Variants in HPSE2 observed in about 807,000 individuals in gnomAD.
HPSE2 encodes inactive heparanase-2.
HPSE2 carries 38 observed loss-of-function variants against 60.5 expected under a neutral mutation model. The ratio of observed to expected loss-of-function variants is 0.63; its 90% CI spans 0.48 to 0.82. HPSE2 has a LOEUF of 0.82. Ranked by LOEUF, HPSE2 falls within the 40% of genes least tolerant of loss-of-function variation. HPSE2 has a pLI of 0.00. For missense variants in HPSE2, 713 were observed against 740.4 expected (o/e 0.96, Z 0.43); for synonymous variants, 295 against 293.2 (o/e 1.01, Z -0.06).
chr10:98,623,963 T>C (rs1173795535), intron 7 of HPSE2, among the ~76,000 whole-genome samples: 3 of 152,044 alleles, frequency 2.0e-5, no homozygotes, highest in Non-Finnish European at 4.4e-5. Context: ...CTAGGGAGAA[T>C]ATATAAACAT....
At chr10:98,617,908 A>C (rs1025310450) in intron 8 of HPSE2, among the ~76,000 whole-genome samples, 1 of 152,232 alleles carries the variant, frequency 6.6e-6, no homozygotes, top group African/African-American at 2.4e-5. Context: ...CAATTTATGC[A>C]TACGTGCATG....
At chr10:99,299,618 T>C in the HPSE2 span, among the ~76,000 whole-genome samples, 5 of 152,098 alleles carry the variant, frequency 3.3e-5, no homozygotes, top group Admixed American at 6.5e-5. Flanking sequence ...ATGCCATGTA[T>C]CGTGTGGGAA....
chr10:98,806,794 AT>A (rs1010112702), intron 3 of HPSE2, among the ~76,000 whole-genome samples: 3 of 152,234 alleles, frequency 2.0e-5, no homozygotes, highest in South Asian at 4.1e-4. Context: ...GCCTTTAAAG[AT>A]TTTTTTTAAC....
chr10:98,592,328 C>G (rs985362483), intron 9 of HPSE2, among the ~76,000 whole-genome samples: 2 of 152,214 alleles, frequency 1.3e-5, no homozygotes, highest in Non-Finnish European at 2.9e-5. Flanking sequence ...GAATAACCAG[C>G]CTTCTGTCAC....
intron 3 of HPSE2, among the ~76,000 whole-genome samples, chr10:98,943,313 G>A (rs1955076828): frequency 6.7e-6 from 1 of 148,936 alleles, no homozygotes; most frequent in Admixed American, 6.7e-5. Flanking sequence ...AAAGGATGAG[G>A]GTAAAAATGG....
chr10:98,491,486 T>C (rs1001827122), intron 9 of HPSE2, among the ~76,000 whole-genome samples: 1 of 152,200 alleles, frequency 6.6e-6, no homozygotes, highest in Non-Finnish European at 1.5e-5. Flanking sequence ...TGCTCAAATT[T>C]GATTACAATT....
At chr10:98,810,062 T>C (rs1404319010) in intron 3 of HPSE2, among the ~76,000 whole-genome samples, 2 of 152,200 alleles carry the variant, frequency 1.3e-5, no homozygotes, top group African/African-American at 2.4e-5. Flanking sequence ...AAGATACTCC[T>C]ACCACTCCCC....
intron 3 of HPSE2, among the ~76,000 whole-genome samples, chr10:98,998,042 C>G (rs1236231847): frequency 2.0e-5 from 3 of 152,212 alleles, no homozygotes; most frequent in Non-Finnish European, 4.4e-5. Flanking sequence ...AGGAAAAATG[C>G]TCCCACTAGC....
intron 9 of HPSE2, among the ~76,000 whole-genome samples, chr10:98,601,121 C>A (rs1945413942): frequency 8.4e-6 from 1 of 118,978 alleles, no homozygotes; most frequent in Non-Finnish European, 2.0e-5. Flanking sequence ...AGTCTGCTGG[C>A]AGAATTTTTG....
chr10:98,486,199 C>A (rs959191302), intron 10 of HPSE2, among the ~76,000 whole-genome samples: 1 of 152,156 alleles, frequency 6.6e-6, no homozygotes, highest in African/African-American at 2.4e-5. Context: ...CTGGCGAGTG[C>A]AGCACCAACC....
chr10:98,950,131 C>T lies in HPSE2; in HGVS notation c.610+194107G>A, dbSNP rs1043830958. Among the ~76,000 whole-genome samples, 4 of 152,004 alleles carry T rather than the reference C, an allele frequency of 2.6e-5. No individual in the cohort carries two copies. The East Asian group carries it at 5.8e-4, about 22-fold the overall frequency. On this transcript the variant is annotated intron_variant, in intron 3 of 11. Transcript: ENST00000370552. Reference sequence around the variant, plus strand: ...AGCTTCTCCATAGAGCATGATACAGCGTGGTAGCTTGCTTCATCAGAACAA... The same window carrying T: ...AGCTTCTCCATAGAGCATGATACAGTGTGGTAGCTTGCTTCATCAGAACAA...
chr10:98,525,087 T>C (rs1014669384), intron 9 of HPSE2, among the ~76,000 whole-genome samples: 1 of 152,214 alleles, frequency 6.6e-6, no homozygotes, highest in Non-Finnish European at 1.5e-5. Context: ...CTTGGCTCAC[T>C]GCAACCTCCA....
At chr10:99,142,800 GC>G (rs1845908244) in intron 3 of HPSE2, among the ~76,000 whole-genome samples, 1 of 152,090 alleles carries the variant, frequency 6.6e-6, no homozygotes, top group South Asian at 2.1e-4. Flanking sequence ...ATACTCTGGA[GC>G]CTCGGTTTAG....
intron 9 of HPSE2, among the ~76,000 whole-genome samples, chr10:98,527,434 C>G (rs904455615): frequency 2.0e-5 from 3 of 152,176 alleles, no homozygotes; most frequent in Non-Finnish European, 4.4e-5. Flanking sequence ...TCTAGCTTTC[C>G]TCTCTGTTCT....
intron 3 of HPSE2, among the ~76,000 whole-genome samples, chr10:98,971,964 A>T (rs1265059301): frequency 2.0e-5 from 3 of 152,066 alleles, no homozygotes; most frequent in Non-Finnish European, 4.4e-5. Context: ...TTATGTCACA[A>T]TTTACATCTT....
At chr10:99,159,010 C>T (rs1028466718) in intron 2 of HPSE2, among the ~76,000 whole-genome samples, 2 of 151,878 alleles carry the variant, frequency 1.3e-5, no homozygotes, top group Admixed American at 1.3e-4. Context: ...TTAAACAGTG[C>T]TTAGAGAGAA....
At chr10:98,792,463 A>C (rs1950676275) in intron 3 of HPSE2, among the ~76,000 whole-genome samples, 1 of 152,156 alleles carries the variant, frequency 6.6e-6, no homozygotes, top group Admixed American at 6.5e-5. Flanking sequence ...ACAAAAGAAC[A>C]CTTCAAACCT....
intron 1 of HPSE2, among the ~76,000 whole-genome samples, chr10:99,232,842 C>A (rs764882766): frequency 1.5e-4 from 23 of 152,258 alleles, no homozygotes; most frequent in Non-Finnish European, 3.2e-4. Flanking sequence ...GAGCACGGCG[C>A]TAAAGCGCAG....
At chr10:98,576,677 C>G (rs754543879) in intron 9 of HPSE2, among the ~76,000 whole-genome samples, 7 of 151,880 alleles carry the variant, frequency 4.6e-5, no homozygotes, top group Non-Finnish European at 1.0e-4. Context: ...GTTTCCTTGC[C>G]TCCTAAACTT....
Sources: allele counts gnomAD v4.1 joint callset (sites outside exome capture counted in the v4.1 genomes callset), GRCh38; gene constraint gnomAD v4.1.1; transcripts MANE v1.5; gene names NCBI Gene and HGNC (gene_info 2026-07-23, HGNC 2026-07-21).